The following ANO1 variants were observed in gnomAD, a reference collection of about 807,000 sequenced individuals.
ANO1 encodes the protein anoctamin-1.
In ANO1, 59 loss-of-function variants were observed where a neutral mutation model predicts 124.0. That is an observed-to-expected ratio of 0.48 (90% CI 0.39 to 0.59). The LOEUF is 0.59. ANO1 is among the 20% of genes least tolerant of loss of function. ANO1 has a pLI of 0.00. For missense variants in ANO1, 1,059 were observed against 1,328.0 expected (o/e 0.80, Z 3.15); for synonymous variants, 529 against 532.0 (o/e 0.99, Z 0.08).
chr11:70,111,755 T>A lies in ANO1; in HGVS notation c.848T>A (p.Leu283Gln). The A allele has an allele frequency of 6.2e-7, 1 of 1,614,042 alleles. No homozygotes were observed. Among genetic ancestry groups the A allele is most frequent in the Non-Finnish European group, 8.5e-7 (1 of 1,179,880 alleles). The change falls in exon 7 of 26, where the codon CTG becomes CAG. Residue 283 changes from leucine to glutamine, a missense_variant. By Grantham distance (113) the Leu-to-Gln change is moderately radical. Around this residue, in one of 2 missense-constraint regions of ANO1, gnomAD observed 809 missense variants for 1,094.9 expected, o/e 0.74. Coordinates refer to ENST00000355303, the MANE Select transcript of ANO1 (RefSeq NM_018043.7). ...GGTGTGTACGCGGCTGCATACCCAC[T>A]GCACGATGTAAGTAACCTTGACACA... The part of the protein sequence containing the change: ...ANGVYAAAYP[L>Q]HDGDYNGENV...
chr11:70,177,578 C>CTTTTCTTTTT (rs2048755968), intron 22 of ANO1, among the ~76,000 whole-genome samples: 1 of 131,752 alleles, frequency 7.6e-6, no homozygotes, highest in South Asian at 2.5e-4. Context: ...CTCGATTTTT[C>CTTTTCTTTTT]TTTTCTTTTT....
chr11:70,007,512 G>A (rs891883734), intron 1 of ANO1, among the ~76,000 whole-genome samples: 3 of 152,002 alleles, frequency 2.0e-5, no homozygotes, highest in Non-Finnish European at 2.9e-5. Flanking sequence ...TCCTGACCTC[G>A]TGATCCGCCG....
chr11:70,099,098 C>G (rs748021414), intron 2 of ANO1, among the ~76,000 whole-genome samples: 5 of 152,130 alleles, frequency 3.3e-5, no homozygotes, highest in Admixed American at 3.3e-4. Context: ...ACCACCCCCA[C>G]GGCCGTGGCT....
rs143677858 is a variant in ANO1 at position 70,151,055 on chromosome 11, G to T, written c.1341+1263G>T. Among the ~76,000 whole-genome samples, 427 of 152,342 alleles carry T rather than the reference G, an allele frequency of 2.8e-3. 6 individuals carry two copies. The highest frequency in any genetic ancestry group is 4.2e-3 in the Non-Finnish European group (289 of 68,028). On this transcript the variant is annotated intron_variant, in intron 12 of 25. Coordinates refer to ENST00000355303, the MANE Select transcript of ANO1 (RefSeq NM_018043.7). ...ACGGGCCTCTGGGGCCAGGCTGCCA[G>T]AGTTCCATCCAGATTCGGCACCAGC...
intron 1 of ANO1, among the ~76,000 whole-genome samples, chr11:70,007,921 G>C (rs1258249164): frequency 6.6e-6 from 1 of 152,116 alleles, no homozygotes; most frequent in Non-Finnish European, 1.5e-5. Flanking sequence ...TTATGCTTCG[G>C]GTTATTATTA....
intron 10 of ANO1, chr11:70,129,341 C>G (rs1241920653): frequency 6.6e-6 from 1 of 152,252 alleles, no homozygotes; most frequent in Non-Finnish European, 1.5e-5. Context: ...TCCTGACAAC[C>G]TATTAACACG....
At chr11:70,098,182 G>A (rs2045092787) in intron 2 of ANO1, among the ~76,000 whole-genome samples, 1 of 152,210 alleles carries the variant, frequency 6.6e-6, no homozygotes, top group Non-Finnish European at 1.5e-5. Context: ...TTCCTAATGG[G>A]GCCACACGGC....
chr11:70,002,511 A>C (rs140030217), intron 1 of ANO1, among the ~76,000 whole-genome samples: 300 of 151,398 alleles, frequency 2.0e-3, no homozygotes, highest in African/African-American at 6.7e-3. Context: ...TGTTGCCTAC[A>C]GTATTCAGTG....
Position 70,161,344 on chromosome 11 carries a change from C to G in ANO1, c.1762C>G (p.Arg588Gly), listed in dbSNP as rs746052094. Residue 588 changes from arginine (R) to glycine (G), a missense_variant, in exon 17 of 26, where the codon CGA becomes GGA. Physicochemically the swap from Arg to Gly is moderately radical, Grantham distance 125 (BLOSUM62 -2). Transcript: ENST00000355303. Reference sequence around the variant, plus strand: ...GGACGAGGTGTATGGCTGCATAGCCCGATGGCTCACCAAGATCGGTGAGTG... The same window carrying G: ...GGACGAGGTGTATGGCTGCATAGCCGGATGGCTCACCAAGATCGGTGAGTG... ...LLDEVYGCIARWLTKIEVPKT... is the reference protein window; with the variant it reads ...LLDEVYGCIAGWLTKIEVPKT... 6.2e-7 allele frequency: 1 copy of G among 1,613,904 alleles called. No individual in the cohort carries two copies. Among genetic ancestry groups the G allele is most frequent in the East Asian group, 2.2e-5 (1 of 44,882 alleles).
chr11:70,185,775 G>A (rs1349177265), intron 25 of ANO1, 80 bp downstream of exon 25: 2 of 1,469,194 alleles, frequency 1.4e-6, no homozygotes, highest in African/African-American at 2.8e-5. Context: ...CTGGAAGTCA[G>A]GAGCTGCTAA....
chr11:70,148,089 C>G (rs2047451220), intron 11 of ANO1, among the ~76,000 whole-genome samples: 1 of 152,194 alleles, frequency 6.6e-6, no homozygotes, highest in Non-Finnish European at 1.5e-5. Context: ...TGCATAGACT[C>G]ACGACCTCTG....
intron 11 of ANO1, among the ~76,000 whole-genome samples, chr11:70,135,029 G>C (rs762763587): frequency 6.6e-6 from 1 of 152,120 alleles, no homozygotes; most frequent in Non-Finnish European, 1.5e-5. Flanking sequence ...TGCTCGAGTC[G>C]GAGACCGCAA....
At chr11:70,075,764 C>A (rs899917145), upstream of ANO1, among the ~76,000 whole-genome samples, 1 of 152,198 alleles carries the variant, frequency 6.6e-6, no homozygotes, top group Admixed American at 6.5e-5. Context: ...CAGTTAGTGA[C>A]TGGAGTGGAG....
upstream of ANO1, among the ~76,000 whole-genome samples, chr11:70,078,112 C>G (rs1390538624): frequency 1.3e-5 from 2 of 152,170 alleles, no homozygotes; most frequent in Non-Finnish European, 1.5e-5. Flanking sequence ...GAAAGTTCCC[C>G]CCTTTCACAC....
intron 6 of ANO1, among the ~76,000 whole-genome samples, chr11:70,110,184 C>CTT (rs923690897): frequency 0.39 from 46,435 of 117,770 alleles, 9,453 homozygotes; most frequent in East Asian, 0.53. Flanking sequence ...TGTTCACTTT[C>CTT]TTTTTTTTTT....
chr11:69,998,752 A>G (rs1246464516), intron 1 of ANO1, among the ~76,000 whole-genome samples: 1 of 152,160 alleles, frequency 6.6e-6, no homozygotes, highest in Non-Finnish European at 1.5e-5. Flanking sequence ...GTTCGAGACC[A>G]TCCTGACCAA....
At chr11:70,011,517 TC>T in intron 1 of ANO1, among the ~76,000 whole-genome samples, 1 of 152,234 alleles carries the variant, frequency 6.6e-6, no homozygotes, top group South Asian at 2.1e-4. Flanking sequence ...TGGGGACATA[TC>T]CTTCATCCAT....
chr11:70,003,477 C>G (rs1233974447), intron 1 of ANO1, among the ~76,000 whole-genome samples: 2 of 152,168 alleles, frequency 1.3e-5, no homozygotes, highest in Non-Finnish European at 2.9e-5. Flanking sequence ...AAAGTGTTCC[C>G]TTCCACAGCC....
chr11:70,124,330 C>T lies in ANO1; in HGVS notation c.898-20C>T. The T allele has an allele frequency of 1.2e-6, 2 of 1,613,622 alleles. No individual in the cohort carries two copies. Among genetic ancestry groups the T allele is most frequent in the South Asian group, 1.1e-5 (1 of 91,052 alleles). ...CGGAGTGCCACATTGTCACCAACCCCACTGCTTCCTCCCCCTCAGCTCCTG... is the reference window on the plus strand; with the variant it reads ...CGGAGTGCCACATTGTCACCAACCCTACTGCTTCCTCCCCCTCAGCTCCTG... On this transcript the variant is annotated intron_variant, in intron 8 of 25. Transcript: ENST00000355303.
Sources: gnomAD v4.1 joint callset for allele counts (sites outside exome capture counted in the v4.1 genomes callset) on GRCh38, gnomAD v4.1.1 for gene constraint, gnomAD v4.1.1 regional missense constraint, MANE v1.5 for transcripts, NCBI Gene and HGNC (gene_info 2026-07-23, HGNC 2026-07-21) for gene names.